SPSB4: variants seen among roughly 807,000 people sequenced by gnomAD.
SPSB4 encodes the protein SPRY domain-containing SOCS box protein 4.
SPSB4 carries 21 observed loss-of-function variants against 20.9 expected under a neutral mutation model. The ratio of observed to expected loss-of-function variants is 1.01; its 90% confidence interval spans 0.71 to 1.45. SPSB4 has a LOEUF of 1.45. Among genes scored for constraint, SPSB4 ranks in the 40% most tolerant of loss-of-function variants. SPSB4 has a pLI of 0.00. For missense variants in SPSB4, 399 were observed against 399.2 expected (o/e 1.00, Z 0.00); for synonymous variants, 207 against 183.8 (o/e 1.13, Z -1.02).
intron 1 of SPSB4, among the ~76,000 whole-genome samples, chr3:141,056,942 C>T (rs1937656798): frequency 6.6e-6 from 1 of 152,268 alleles, no homozygotes; most frequent in South Asian, 2.1e-4. Flanking sequence ...ATCCCATTTG[C>T]TGCTCTCCTT....
chr3:141,099,185 C>CTT (rs368249255), intron 2 of SPSB4, among the ~76,000 whole-genome samples: 7 of 139,394 alleles, frequency 5.0e-5, no homozygotes, highest in Admixed American at 1.4e-4. Flanking sequence ...GATAATATGA[C>CTT]TTTTTTTTTT....
chr3:141,141,018 GC>G (rs531656795), intron 2 of SPSB4, among the ~76,000 whole-genome samples: 4 of 150,916 alleles, frequency 2.7e-5, no homozygotes, highest in Non-Finnish European at 5.9e-5. Flanking sequence ...ACCTACTCAA[GC>G]CTGAGCAATG....
At chr3:141,112,381 C>T (rs1439928518) in intron 2 of SPSB4, among the ~76,000 whole-genome samples, 1 of 152,068 alleles carries the variant, frequency 6.6e-6, no homozygotes, top group Non-Finnish European at 1.5e-5. Context: ...CGCGGTGGCT[C>T]ACGCCTGTAA....
chr3:141,091,557 G>A (rs1172515033), intron 2 of SPSB4, among the ~76,000 whole-genome samples: 1 of 152,234 alleles, frequency 6.6e-6, no homozygotes, highest in Non-Finnish European at 1.5e-5. Flanking sequence ...TCTGACAAGT[G>A]AGAACCCTGA....
intron 2 of SPSB4, chr3:141,132,213 G>A: frequency 2.3e-6 from 1 of 432,680 alleles, no homozygotes. Context: ...GGTTGCCCTG[G>A]CCAAAGTGCA....
intron 2 of SPSB4, among the ~76,000 whole-genome samples, chr3:141,102,505 A>G (rs72983804): frequency 0.041 from 6,222 of 152,112 alleles, 427 homozygotes; most frequent in African/African-American, 0.14. Flanking sequence ...AGGAATTAAC[A>G]AGTGAGGTGC....
chr3:141,126,088 A>G (rs770941768), intron 2 of SPSB4, among the ~76,000 whole-genome samples: 1 of 152,180 alleles, frequency 6.6e-6, no homozygotes, highest in Non-Finnish European at 1.5e-5. Flanking sequence ...GGGCTCTATG[A>G]TTCACCACAA....
In SPSB4 at chr3:141,120,534, G is replaced by T. The variant is rs547136132; in HGVS notation, c.695-26608G>T. On this transcript the variant is annotated intron_variant, in intron 2 of 2. Coordinates refer to ENST00000310546, the MANE Select transcript of SPSB4 (RefSeq NM_080862.3). ...GGTGTTAAAGTCTCCCATTATTATT[G>T]TGTGGGAGTCTAAGTCTCTTTGTAG... Among the ~76,000 whole-genome samples the T allele has an allele frequency of 6.6e-5, 10 of 152,300 alleles. 1 individual carries two copies. Among genetic ancestry groups the T allele is most frequent in the African/African-American group, 2.4e-4 (10 of 41,564 alleles).
At chr3:141,068,207 A>G (rs1048888133) in intron 2 of SPSB4, among the ~76,000 whole-genome samples, 1 of 152,256 alleles carries the variant, frequency 6.6e-6, no homozygotes, top group African/African-American at 2.4e-5. Context: ...ACTCTGGCAT[A>G]ATTGTCGACA....
intron 2 of SPSB4, among the ~76,000 whole-genome samples, chr3:141,107,964 AAT>A (rs1333845438): frequency 2.5e-5 from 3 of 118,564 alleles, no homozygotes; most frequent in East Asian, 2.5e-4. Flanking sequence ...TAAAAAAAAA[AAT>A]AAAATAAAAG....
chr3:141,131,592 C>T (rs747956593), intron 2 of SPSB4, among the ~76,000 whole-genome samples: 1 of 152,026 alleles, frequency 6.6e-6, no homozygotes, highest in Non-Finnish European at 1.5e-5. Context: ...GAAGACGTCA[C>T]ACAAAATGTA....
chr3:141,053,941 T>C (rs1200245160), intron 1 of SPSB4, among the ~76,000 whole-genome samples: 3 of 152,128 alleles, frequency 2.0e-5, no homozygotes, highest in Non-Finnish European at 4.4e-5. Flanking sequence ...CTACCCACCC[T>C]CCTAGCCTTC....
At chr3:141,083,609 T>C (rs1391756034) in intron 2 of SPSB4, among the ~76,000 whole-genome samples, 1 of 152,024 alleles carries the variant, frequency 6.6e-6, no homozygotes, top group African/African-American at 2.4e-5. Context: ...TCTGCCTCCA[T>C]GCTTCTGCTT....
chr3:141,084,965 T>C (rs1394626077), intron 2 of SPSB4, among the ~76,000 whole-genome samples: 2 of 152,214 alleles, frequency 1.3e-5, no homozygotes, highest in Admixed American at 6.5e-5. Context: ...GGGGTTGTAA[T>C]TGAGCAGGAA....
chr3:141,087,001 G>A (rs1002982951), intron 2 of SPSB4, among the ~76,000 whole-genome samples: 6 of 152,172 alleles, frequency 3.9e-5, no homozygotes, highest in East Asian at 1.9e-4. Flanking sequence ...CAGGCCCTGC[G>A]TTTAAGAGCA....
At chr3:141,092,549 G>T (rs991622624) in intron 2 of SPSB4, among the ~76,000 whole-genome samples, 2 of 152,196 alleles carry the variant, frequency 1.3e-5, no homozygotes, top group African/African-American at 4.8e-5. Context: ...GATGGAACTG[G>T]ACTCTGCCAG....
chr3:141,083,613 T>A (rs1488703707), intron 2 of SPSB4, among the ~76,000 whole-genome samples: 1 of 151,994 alleles, frequency 6.6e-6, no homozygotes, highest in African/African-American at 2.4e-5. Context: ...CCTCCATGCT[T>A]CTGCTTGTGC....
chr3:141,067,836 A>AG (rs1485675050), intron 2 of SPSB4, among the ~76,000 whole-genome samples: 1 of 152,210 alleles, frequency 6.6e-6, no homozygotes, highest in East Asian at 1.9e-4. Flanking sequence ...AAGCTCTCAG[A>AG]GGTGGCGCTG....
intron 2 of SPSB4, among the ~76,000 whole-genome samples, chr3:141,076,394 A>C (rs535489432): frequency 5.3e-5 from 8 of 152,222 alleles, no homozygotes; most frequent in Non-Finnish European, 1.5e-5. Flanking sequence ...GTAAATCCAC[A>C]CTCTTATCCA....
Sources: allele counts gnomAD v4.1 joint callset (sites outside exome capture counted in the v4.1 genomes callset), GRCh38; gene constraint gnomAD v4.1.1; transcripts MANE v1.5; gene names NCBI Gene and HGNC (gene_info 2026-07-23, HGNC 2026-07-21).